The following ARHGAP42 variants were observed in gnomAD, a reference collection of about 807,000 sequenced individuals.
The protein encoded by ARHGAP42 is Rho GTPase activating protein 42.
ARHGAP42 carries 63 observed loss-of-function variants against 125.0 expected under a neutral mutation model. That is an observed-to-expected ratio of 0.50 (90% CI 0.41 to 0.62). The LOEUF (loss-of-function observed/expected upper bound fraction) is 0.62, where lower values mean the gene tolerates loss of function less well. ARHGAP42 is among the 20% of genes least tolerant of loss of function. ARHGAP42 has a pLI of 0.00. For missense variants in ARHGAP42, 766 were observed against 1,024.2 expected, an observed-to-expected ratio of 0.75 and a Z score of 3.44; for synonymous variants, 339 against 351.0, an observed-to-expected ratio of 0.97 and a Z score of 0.38.
chr11:100,822,737 T>A (rs1864432015), intron 3 of ARHGAP42, among the ~76,000 whole-genome samples: 1 of 152,134 alleles, frequency 6.6e-6, no homozygotes, highest in African/African-American at 2.4e-5. Flanking sequence ...GCAGTTTGAT[T>A]GTTACCCTTT....
In ARHGAP42 at chr11:100,789,683, T is replaced by TGA. The variant is rs556784528; in HGVS notation, c.251-5421_251-5420insAG. 2.8e-4 allele frequency among the ~76,000 whole-genome samples: 43 copies of TGA among 152,340 alleles called. No homozygotes were observed. In the East Asian group the frequency reaches 7.3e-3, roughly 26 times the overall value. On this transcript the variant is annotated intron_variant, in intron 2 of 23. Coordinates refer to ENST00000298815, the MANE Select transcript of ARHGAP42 (RefSeq NM_152432.4). ...GAGTTGTGTGCCTGTGCTCCAAATC[T>TGA]GCTGAGTCATGCTGCACTGGAAGGC...
chr11:100,860,380 C>T (rs1444164878), intron 4 of ARHGAP42, among the ~76,000 whole-genome samples: 1 of 152,056 alleles, frequency 6.6e-6, no homozygotes, highest in Non-Finnish European at 1.5e-5. Context: ...TTGATCTCCA[C>T]ACCCTCCTTC....
intron 3 of ARHGAP42, among the ~76,000 whole-genome samples, chr11:100,819,026 G>A (rs529686621): frequency 1.3e-5 from 2 of 152,228 alleles, no homozygotes; most frequent in South Asian, 2.1e-4. Context: ...TAAGGAGCTG[G>A]ACATAATTCA....
intron 4 of ARHGAP42, among the ~76,000 whole-genome samples, chr11:100,895,051 C>G (rs1334464659): frequency 6.6e-6 from 1 of 152,178 alleles, no homozygotes; most frequent in Non-Finnish European, 1.5e-5. Flanking sequence ...CTTACCTATA[C>G]TCCACTCAAT....
Position 100,859,632 on chromosome 11 carries a change from G to T in ARHGAP42, c.384+7G>T. 6.8e-7 allele frequency: 1 copy of T among 1,461,744 alleles called. No homozygotes were observed. Among genetic ancestry groups the T allele is most frequent in the Non-Finnish European group, 9.1e-7 (1 of 1,102,848 alleles). The allele number at this position is 1,461,744 out of a possible 1,614,324, so 90.5% of individuals were successfully genotyped here. On this transcript the variant is annotated splice_region_variant and intron_variant, in intron 4 of 23. Transcript: ENST00000298815. ...ACAGATAGGTGCAGCAAAAGTAAGT[G>T]TTACATTTTATTATTCTTCAGTTAT...
intron 3 of ARHGAP42, among the ~76,000 whole-genome samples, chr11:100,797,604 A>G (rs649385): frequency 1.0e-4 from 15 of 143,922 alleles, no homozygotes; most frequent in African/African-American, 3.0e-4. Flanking sequence ...AATGTTCAGG[A>G]AAAAAAAAAA....
chr11:100,757,943 T>A (rs1004450617), intron 1 of ARHGAP42, among the ~76,000 whole-genome samples: 4 of 152,206 alleles, frequency 2.6e-5, no homozygotes, highest in African/African-American at 9.6e-5. Context: ...TACCATCCGT[T>A]ATAAAATATT....
intron 1 of ARHGAP42, among the ~76,000 whole-genome samples, chr11:100,710,436 C>T (rs1591120628): frequency 6.6e-6 from 1 of 150,866 alleles, no homozygotes; most frequent in East Asian, 2.0e-4. Context: ...GGGGTTTCAC[C>T]ATGTTGGTCA....
At chr11:100,696,866 A>G (rs1861293347) in intron 1 of ARHGAP42, among the ~76,000 whole-genome samples, 1 of 152,168 alleles carries the variant, frequency 6.6e-6, no homozygotes, top group African/African-American at 2.4e-5. Context: ...TTTTAAAGGT[A>G]TTTTTAAAAT....
rs1225876770 is a variant in ARHGAP42, at chr11:100,913,561, T to C, written c.486+8T>C. ...GAGTCTCATTTACAAGAGGTAAGCT[T>C]TTCCAACTGAAATAATGGAAAAGGC... On this transcript the variant is annotated splice_region_variant and intron_variant, in intron 5 of 23. Coordinates refer to ENST00000298815, the MANE Select transcript of ARHGAP42 (RefSeq NM_152432.4). 1 of 1,265,396 alleles carries C rather than the reference T, an allele frequency of 7.9e-7. No individual in the cohort carries two copies. The highest frequency in any genetic ancestry group is 5.8e-5 in the East Asian group (1 of 17,390). The allele number at this position is 1,265,396 out of a possible 1,614,324, so 78.4% of individuals were successfully genotyped here.
chr11:100,712,662 T>C (rs1861584254), intron 1 of ARHGAP42, among the ~76,000 whole-genome samples: 1 of 152,194 alleles, frequency 6.6e-6, no homozygotes, highest in South Asian at 2.1e-4. Context: ...GTTTTCAGTA[T>C]GCATGTGCGT....
intron 4 of ARHGAP42, among the ~76,000 whole-genome samples, chr11:100,864,588 C>T (rs534144729): frequency 3.9e-5 from 6 of 152,014 alleles, no homozygotes; most frequent in South Asian, 2.1e-4. Flanking sequence ...ATGGAACTTG[C>T]GCTAAGGAGG....
intron 3 of ARHGAP42, among the ~76,000 whole-genome samples, chr11:100,801,369 T>C (rs73575585): frequency 0.011 from 1,742 of 152,256 alleles, 46 homozygotes; most frequent in African/African-American, 0.039. Context: ...ATTTGTTAGG[T>C]TTGACCAAAG....
intron 4 of ARHGAP42, among the ~76,000 whole-genome samples, chr11:100,868,627 CTCT>C (rs74860825): frequency 0.073 from 11,157 of 152,092 alleles, 550 homozygotes; most frequent in East Asian, 0.25. Context: ...GAAGATATTC[CTCT>C]TCTTCTTAAA....
chr11:100,936,122 A>G, intron 7 of ARHGAP42, 81 bp from the exon 8 acceptor site: 1 of 1,506,126 alleles, frequency 6.6e-7, no homozygotes, highest in South Asian at 1.2e-5. Flanking sequence ...AATAAATAAA[A>G]GCAAAACAAA....
chr11:100,688,796 T>C (rs77802037), intron 1 of ARHGAP42, among the ~76,000 whole-genome samples: 3,610 of 152,340 alleles, frequency 0.024, 67 homozygotes, highest in Non-Finnish European at 0.037. Context: ...TGCATCTTAA[T>C]AGAGGCTTCT....
At chr11:100,771,661 C>T (rs566900108) in intron 2 of ARHGAP42, among the ~76,000 whole-genome samples, 7 of 151,796 alleles carry the variant, frequency 4.6e-5, no homozygotes, top group Non-Finnish European at 8.8e-5. Flanking sequence ...TGCAGTGGCA[C>T]GATCTCGGCT....
chr11:100,689,277 C>T (rs1861146480), intron 1 of ARHGAP42, among the ~76,000 whole-genome samples: 1 of 152,104 alleles, frequency 6.6e-6, no homozygotes, highest in Non-Finnish European at 1.5e-5. Context: ...GTGAACTGTC[C>T]TTCCTCTGGC....
intron 5 of ARHGAP42, among the ~76,000 whole-genome samples, chr11:100,913,869 G>C (rs1435839332): frequency 6.6e-6 from 1 of 152,168 alleles, no homozygotes; most frequent in East Asian, 1.9e-4. Context: ...AAATATCTCT[G>C]ACATTGATTT....
Sources: gnomAD v4.1 joint callset for allele counts (sites outside exome capture counted in the v4.1 genomes callset) on GRCh38, gnomAD v4.1.1 for gene constraint, MANE v1.5 for transcripts, NCBI Gene and HGNC (gene_info 2026-07-23, HGNC 2026-07-21) for gene names.